The following POT1 variants were observed in gnomAD, a reference collection of about 807,000 sequenced individuals.
The protein encoded by POT1 is protection of telomeres protein 1.
A neutral mutation model predicts 78.5 loss-of-function variants in POT1; 47 were observed. The observed-to-expected ratio is 0.60, with a 90% CI of 0.47 to 0.76. POT1 has a LOEUF of 0.76. Among genes scored for constraint, POT1 ranks in the 30% least tolerant of loss-of-function variants. POT1 has a pLI of 0.00. For missense variants in POT1, 646 were observed against 749.9 expected (o/e 0.86, Z 1.62); for synonymous variants, 259 against 260.7 (o/e 0.99, Z 0.06).
intron 6 of POT1, among the ~76,000 whole-genome samples, chr7:124,882,020 C>T (rs963413870): frequency 2.0e-5 from 3 of 151,872 alleles, no homozygotes; most frequent in Non-Finnish European, 4.4e-5. Context: ...GAAAAGATAA[C>T]AAATGATAAA....
rs577683352 is a variant in POT1, at chr7:124,887,680, G to A, written c.124+4586C>T. On this transcript the variant is annotated intron_variant, in intron 6 of 18. Transcript: ENST00000357628. ...TCACTATTTAACATCTCTGAAATAC[G>A]GCTCTATCTTAAAATTGACAGTTAA... is the stretch of plus-strand genomic sequence containing the variant. Among the ~76,000 whole-genome samples, 4 of 152,028 alleles carry A rather than the reference G, an allele frequency of 2.6e-5. No individual in the cohort carries two copies. The East Asian group carries it at 5.8e-4, about 22-fold the overall frequency.
intron 2 of POT1, among the ~76,000 whole-genome samples, chr7:124,922,347 T>C (rs548610752): frequency 1.1e-4 from 16 of 152,192 alleles, no homozygotes; most frequent in African/African-American, 3.9e-4. Flanking sequence ...ATATAAAGAC[T>C]ATACTTTTTC....
intron 3 of POT1, among the ~76,000 whole-genome samples, chr7:124,899,978 C>G (rs1796580847): frequency 6.6e-6 from 1 of 152,030 alleles, no homozygotes; most frequent in Non-Finnish European, 1.5e-5. Flanking sequence ...AAAAATTTTT[C>G]TGAATTTAAC....
At chr7:124,880,437 G>A (rs1262025871) in intron 6 of POT1, among the ~76,000 whole-genome samples, 1 of 152,040 alleles carries the variant, frequency 6.6e-6, no homozygotes, top group African/African-American at 2.4e-5. Flanking sequence ...TAATGTTAAT[G>A]TTAGTTTAAC....
At position 124,863,518 on chromosome 7, in the gene POT1, A is replaced by G. The variant is rs1441517065; in HGVS notation, c.378T>C (p.Thr126=). The change falls in exon 8 of 19, where the codon ACT becomes ACC. Residue 126 remains threonine, a synonymous_variant. Coordinates refer to ENST00000357628, the MANE Select transcript of POT1 (RefSeq NM_015450.3). ...CTTCTACCATTTTGTGGTCCTCAGT[A>G]GTGAAGTTAAAATACTTGCTTGAAG... ...PRTSSKYFNF[T]TEDHKMVEAL... 1 of 1,613,860 alleles carries G rather than the reference A, an allele frequency of 6.2e-7. No individual in the cohort carries two copies. Among genetic ancestry groups the G allele is most frequent in the Non-Finnish European group, 8.5e-7 (1 of 1,179,866 alleles).
intron 3 of POT1, among the ~76,000 whole-genome samples, chr7:124,908,835 C>T (rs953263870): frequency 1.3e-5 from 2 of 151,776 alleles, no homozygotes; most frequent in South Asian, 2.1e-4. Flanking sequence ...TATACCTTCA[C>T]GAATCTTAAA....
Position 124,920,928 on chromosome 7 carries a change from TA to T in POT1, c.-226-5283del, listed in dbSNP as rs869223608. Among the ~76,000 whole-genome samples, 289 of 150,662 alleles carry T rather than the reference TA, an allele frequency of 1.9e-3. 2 individuals carry two copies. Among genetic ancestry groups the T allele is most frequent in the Middle Eastern group, 0.01 (3 of 290 alleles). ...GCAACACAGAAAGATCCTGCCACTA[TA>T]AAAAAAAAATTTTTTTAATTAGCTG... On this transcript the variant is annotated intron_variant, in intron 2 of 18. Transcript: ENST00000357628.
intron 15 of POT1, among the ~76,000 whole-genome samples, chr7:124,832,022 A>G (rs1794772913): frequency 6.8e-6 from 1 of 147,974 alleles, no homozygotes; most frequent in Non-Finnish European, 1.5e-5. Flanking sequence ...AAAAAAAAAA[A>G]GTTTGGAGGC....
intron 18 of POT1, 54 bp from the exon 19 acceptor site, chr7:124,824,128 C>T: frequency 1.8e-6 from 2 of 1,119,896 alleles, no homozygotes; most frequent in Non-Finnish European, 2.6e-6. Context: ...AAATAAATAA[C>T]TCTGAAATAG....
At chr7:124,843,612 C>T (rs958259954) in intron 12 of POT1, among the ~76,000 whole-genome samples, 2 of 152,138 alleles carry the variant, frequency 1.3e-5, no homozygotes, top group African/African-American at 4.8e-5. Context: ...GAAATAGGTA[C>T]AATAGGTCTC....
chr7:124,917,059 T>C (rs529090090), intron 2 of POT1, among the ~76,000 whole-genome samples: 14 of 152,022 alleles, frequency 9.2e-5, no homozygotes, highest in Non-Finnish European at 1.9e-4. Context: ...CTATCCCTGT[T>C]AGGGATGGGC....
intron 12 of POT1, 173 bp from the exon 13 acceptor site, chr7:124,843,136 C>T: frequency 2.2e-6 from 1 of 447,426 alleles, no homozygotes; most frequent in East Asian, 3.6e-5. Flanking sequence ...GGCCCACTAG[C>T]ATAGTGCCAG....
rs1232933074 is a variant in POT1 at position 124,842,982 on chromosome 7, T to C, written c.1007-19A>G. 6.7e-7 allele frequency: 1 copy of C among 1,498,706 alleles called. No individual in the cohort carries two copies. The highest frequency in any genetic ancestry group is 2.3e-5 in the Admixed American group (1 of 43,240). 92.8% of individuals were successfully genotyped at this position (1,498,706 alleles called of 1,614,324 possible). On this transcript the variant is annotated intron_variant, in intron 12 of 18. Transcript: ENST00000357628. The stretch of plus-strand genomic sequence containing the variant: ...GTAAGTACTGTAAAGAATTTTTATA[T>C]TCAATCAGAATAACAAGAATCATAT...
Position 124,835,401 on chromosome 7 carries a change from A to T in POT1, c.1383T>A (p.Ser461Arg). The change falls in exon 15 of 19, where the codon AGT becomes AGA. Residue 461 changes from serine (S) to arginine (R), a missense_variant. Ser to Arg is a moderately radical substitution (Grantham distance 110). Coordinates refer to ENST00000357628, the MANE Select transcript of POT1 (RefSeq NM_015450.3). ...CLLLIEGGTL[S>R]EICKLSNKFN... is the part of the protein sequence containing the mutation. Reference sequence around the variant, plus strand: ...ACTTGTTCGAGAGTTTGCAAATTTCACTGAGTGTACCTCCTGTTAAGAGAA... The same window carrying T: ...ACTTGTTCGAGAGTTTGCAAATTTCTCTGAGTGTACCTCCTGTTAAGAGAA... 4.3e-6 allele frequency: 7 copies of T among 1,612,052 alleles called. No homozygotes were observed. Among genetic ancestry groups the T allele is most frequent in the Non-Finnish European group, 5.9e-6 (7 of 1,178,146 alleles).
intron 9 of POT1, among the ~76,000 whole-genome samples, chr7:124,855,218 C>CAAAAA (rs550056711): frequency 3.0e-4 from 16 of 52,488 alleles, no homozygotes; most frequent in African/African-American, 3.9e-4. Flanking sequence ...GAGAGGAGAG[C>CAAAAA]AAAAAAAAAA....
intron 9 of POT1, 105 bp from the exon 10 acceptor site, chr7:124,853,243 G>T: frequency 2.4e-6 from 2 of 817,260 alleles, no homozygotes; most frequent in South Asian, 1.9e-5. Context: ...GCACTGACCA[G>T]TCAGGAAATA....
At chr7:124,885,291 T>G (rs1405574206) in intron 6 of POT1, among the ~76,000 whole-genome samples, 2 of 21,742 alleles carry the variant, frequency 9.2e-5, no homozygotes, top group Non-Finnish European at 1.9e-4. Context: ...CCTCCATCTC[T>G]CCAAAAAAAA....
chr7:124,825,782 C>T (rs890772137), intron 17 of POT1, among the ~76,000 whole-genome samples: 16 of 152,000 alleles, frequency 1.1e-4, no homozygotes, highest in African/African-American at 2.9e-4. Flanking sequence ...CTTTGTTCAC[C>T]GCTGTGTCTC....
chr7:124,896,184 A>G (rs7793441), intron 5 of POT1, among the ~76,000 whole-genome samples: 91,020 of 151,402 alleles, frequency 0.6, 27,492 homozygotes, highest in African/African-American at 0.65. Context: ...ATGTAAAAAC[A>G]AGCATCTTTT....
Sources: allele counts gnomAD v4.1 joint callset (sites outside exome capture counted in the v4.1 genomes callset), GRCh38; gene constraint gnomAD v4.1.1; transcripts MANE v1.5; gene names NCBI Gene and HGNC (gene_info 2026-07-23, HGNC 2026-07-21).